Variants in EEF1A2 observed in about 807,000 individuals in gnomAD.
The protein encoded by EEF1A2 is elongation factor 1-alpha 2.
EEF1A2 carries 5 observed loss-of-function variants against 39.3 expected under a neutral mutation model. The ratio of observed to expected loss-of-function variants is 0.13; its 90% CI spans 0.07 to 0.27. The LOEUF is 0.27. EEF1A2 is among the 10% of genes least tolerant of loss of function. The probability of loss-of-function intolerance (pLI) is 1.00; values close to 1 mark genes in which losing one functional copy is unlikely to be tolerated. For synonymous variants in EEF1A2, 287 were observed against 293.7 expected (o/e 0.98, Z 0.23); for missense variants, 218 against 681.4 (o/e 0.32, Z 7.57).
rs1299130492 is a variant in EEF1A2 at position 63,490,825 on chromosome 20, G to T, written c.773-90C>A. On this transcript the variant is annotated intron_variant, in intron 5 of 7. Transcript: ENST00000217182. ...GGGACAGAGCCTGGAAACCAACAAA[G>T]CCTGGGACTGGATCCCCCCGACAGG... The T allele has an allele frequency of 2.8e-6, 4 of 1,449,312 alleles. No homozygotes were observed. The East Asian group carries it at 9.7e-5, about 35-fold the overall frequency. The allele number at this position is 1,449,312 out of a possible 1,614,324, so 89.8% of individuals were successfully genotyped here.
Position 63,493,391 on chromosome 20 carries a change from TTGCCTCG to T in EEF1A2, c.622-111_622-105del, listed in dbSNP as rs538248788. 7.0e-4 allele frequency: 946 copies of T among 1,344,400 alleles called. 6 individuals carry two copies. Among genetic ancestry groups the T allele is most frequent in the South Asian group, 6.7e-3 (407 of 60,624 alleles). 83.3% of individuals were successfully genotyped at this position (1,344,400 alleles called of 1,614,324 possible). A position where few individuals can be genotyped will look rare whatever the true frequency, so the allele number is the denominator to read the frequency against. The stretch of plus-strand genomic sequence containing the variant: ...AGGAGTACTGCTGTTCAGGCTAAAC[TTGCCTCG>T]TGCCCTTTGAGATGAGGAATTTCCC... On this transcript the variant is annotated intron_variant, in intron 4 of 7. Transcript: ENST00000217182.
chr20:63,497,999 G>A lies in EEF1A2; in HGVS notation c.-71-165C>T. 2.0e-6 allele frequency: 1 copy of A among 509,670 alleles called. No homozygotes were observed. Among genetic ancestry groups the A allele is most frequent in the East Asian group, 3.5e-5 (1 of 28,772 alleles). 31.6% of individuals were successfully genotyped at this position (509,670 alleles called of 1,614,324 possible). On this transcript the variant is annotated intron_variant, in intron 1 of 7. Coordinates refer to ENST00000217182, the MANE Select transcript of EEF1A2 (RefSeq NM_001958.5). The surrounding 1 kb of genome is among the most constrained non-coding windows in gnomAD (Gnocchi z 7.3). ...CCCACCCACAGCTGGGCCTGGCCAG[G>A]GCAAGCAGAGGCTGTGCACTGCCCC...
At chr20:63,488,569 C>G (rs1471206654) in intron 7 of EEF1A2, 144 bp from the exon 8 acceptor site, 1 of 1,163,108 alleles carries the variant, frequency 8.6e-7, no homozygotes, top group Non-Finnish European at 1.1e-6. Flanking sequence ...TGAAGACGGC[C>G]GGCCTCGCGG....
At chr20:63,494,632 T>G (rs941261374) in intron 4 of EEF1A2, among the ~76,000 whole-genome samples, 173 bp downstream of exon 4, 1 of 152,196 alleles carries the variant, frequency 6.6e-6, no homozygotes, top group Admixed American at 6.5e-5. Context: ...CTGAGGGGCA[T>G]GGGGCTCCCC....
In EEF1A2 at chr20:63,490,536, G is replaced by A. The variant is rs373731830; in HGVS notation, c.972C>T (p.Asn324=). 10 of 1,612,722 alleles carry A rather than the reference G, an allele frequency of 6.2e-6. No homozygotes were observed. Among genetic ancestry groups the A allele is most frequent in the African/African-American group, 1.3e-5 (1 of 75,074 alleles). ...NVSVKDIRRG[N]VCGDSKSDPP... ...GGTCAGACTTGCTGTCCCCACACAC[G>A]TTGCCCCGCCGGATGTCCTTCACCG... Residue 324 remains asparagine (N), a synonymous_variant, in exon 6 of 8, where the codon AAC becomes AAT. Coordinates refer to ENST00000217182, the MANE Select transcript of EEF1A2 (RefSeq NM_001958.5).
In EEF1A2 at chr20:63,491,019, C is replaced by T. The variant is rs1291681161; in HGVS notation, c.773-284G>A. 3.3e-5 allele frequency among the ~76,000 whole-genome samples: 5 copies of T among 152,338 alleles called. No homozygotes were observed. In the East Asian group the frequency reaches 5.8e-4, roughly 18 times the overall value. On this transcript the variant is annotated intron_variant, in intron 5 of 7. Transcript: ENST00000217182. Reference sequence around the variant, plus strand: ...CGGAAAAGCCACAGGGACAGAGAAGCGGGAGGATGGGCAGAGAGGGGCTGT... The same window carrying T: ...CGGAAAAGCCACAGGGACAGAGAAGTGGGAGGATGGGCAGAGAGGGGCTGT...
Position 63,496,043 on chromosome 20 carries a change from G to C in EEF1A2, c.145-8C>G, listed in dbSNP as rs554786640. 1.2e-6 allele frequency: 2 copies of C among 1,612,272 alleles called. No individual in the cohort carries two copies. Among genetic ancestry groups the C allele is most frequent in the Non-Finnish European group, 1.7e-6 (2 of 1,179,832 alleles). Reference sequence around the variant, plus strand: ...GAAGGATCCCTTCCCCATCTGGAGCGGGTGAGGGTCACGGCTGAGGGCGGG... The same window carrying C: ...GAAGGATCCCTTCCCCATCTGGAGCCGGTGAGGGTCACGGCTGAGGGCGGG... On this transcript the variant is annotated splice_polypyrimidine_tract_variant and splice_region_variant and intron_variant, in intron 2 of 7. Coordinates refer to ENST00000217182, the MANE Select transcript of EEF1A2 (RefSeq NM_001958.5).
intron 5 of EEF1A2, among the ~76,000 whole-genome samples, chr20:63,492,353 A>AACAGATGG (rs2082388814): frequency 1.0e-5 from 1 of 99,014 alleles, no homozygotes. Context: ...TGGGTGGGTC[A>AACAGATGG]ATAGATGGAT....
intron 4 of EEF1A2, 115 bp downstream of exon 4, chr20:63,494,690 C>T: frequency 7.2e-7 from 1 of 1,381,612 alleles, no homozygotes; most frequent in Non-Finnish European, 9.6e-7. Flanking sequence ...TCGAGGGGAA[C>T]CTGCATTTCC....
Position 63,495,072 on chromosome 20 carries a change from C to G in EEF1A2, c.354G>C (p.Ala118=). 1 of 1,611,824 alleles carries G rather than the reference C, an allele frequency of 6.2e-7. No homozygotes were observed. The highest frequency in any genetic ancestry group is 1.1e-5 in the South Asian group (1 of 91,070). Residue 118 remains alanine (A), a synonymous_variant, in exon 4 of 8, where the codon GCG becomes GCC. Coordinates refer to ENST00000217182, the MANE Select transcript of EEF1A2 (RefSeq NM_001958.5). ...QADCAVLIVA[A]GVGEFEAGIS... ...TGCCCGCCTCGAACTCGCCCACGCC[C>G]GCCGCCACGATCAGCACTGCGCAGT...
At chr20:63,491,538 G>A (rs949547054) in intron 5 of EEF1A2, among the ~76,000 whole-genome samples, 20 of 152,286 alleles carry the variant, frequency 1.3e-4, no homozygotes, top group African/African-American at 4.3e-4. Flanking sequence ...CAACATCTTT[G>A]GCTGCAGCCC....
At chr20:63,490,255 C>CG (rs1555883476) in intron 6 of EEF1A2, 1 of 516,654 alleles carries the variant, frequency 1.9e-6, no homozygotes, top group Non-Finnish European at 3.4e-6. Flanking sequence ...TTAGTAGAGA[C>CG]GGGGTTTCAC....
intron 6 of EEF1A2, chr20:63,490,171 G>A (rs1273614654): frequency 1.9e-5 from 5 of 263,272 alleles, no homozygotes; most frequent in East Asian, 7.1e-5. Flanking sequence ...AGGTTCAAGC[G>A]ATTCTCCTGC....
At chr20:63,493,680 G>A (rs1022401039) in intron 4 of EEF1A2, among the ~76,000 whole-genome samples, 1 of 152,210 alleles carries the variant, frequency 6.6e-6, no homozygotes, top group East Asian at 1.9e-4. Context: ...CAGGGACAGA[G>A]CTGGAGGAGC....
chr20:63,490,251 G>A (rs2145939757), intron 6 of EEF1A2: 2 of 503,672 alleles, frequency 4.0e-6, no homozygotes, highest in Non-Finnish European at 7.0e-6. Context: ...ATTTTTAGTA[G>A]AGACGGGGTT....
intron 4 of EEF1A2, among the ~76,000 whole-genome samples, chr20:63,494,428 A>C (rs1211042886): frequency 6.6e-6 from 1 of 152,242 alleles, no homozygotes; most frequent in African/African-American, 2.4e-5. Context: ...CCCAGCCCAA[A>C]GCCCCTGCAC....
At position 63,491,841 on chromosome 20, in the gene EEF1A2, G is replaced by A. The variant is rs115135967; in HGVS notation, c.773-1106C>T. ...AGAAGGATGGATGGGTAGGAAGGTGGGTGGATGAATGGATGGATGGGGAGG... is the reference window on the plus strand; with the variant it reads ...AGAAGGATGGATGGGTAGGAAGGTGAGTGGATGAATGGATGGATGGGGAGG... On this transcript the variant is annotated intron_variant, in intron 5 of 7. Coordinates refer to ENST00000217182, the MANE Select transcript of EEF1A2 (RefSeq NM_001958.5). Among the ~76,000 whole-genome samples, 1,155 of 147,360 alleles carry A rather than the reference G, an allele frequency of 7.8e-3. 9 individuals are homozygous for A. The highest frequency in any genetic ancestry group is 0.012 in the Non-Finnish European group (798 of 66,302).
chr20:63,490,398 C>G (rs1173320615), intron 6 of EEF1A2, 81 bp downstream of exon 6: 8 of 1,523,542 alleles, frequency 5.3e-6, no homozygotes, highest in African/African-American at 1.4e-5. Context: ...GCCAGGCCAC[C>G]TGCCGACAGC....
intron 7 of EEF1A2, 133 bp downstream of exon 7, chr20:63,488,785 C>T: frequency 9.8e-7 from 1 of 1,016,026 alleles, no homozygotes; most frequent in Non-Finnish European, 1.4e-6. Context: ...GCTCTCCTGC[C>T]ATGCTCTGGG....
Sources: allele counts gnomAD v4.1 joint callset (sites outside exome capture counted in the v4.1 genomes callset), GRCh38; gene constraint gnomAD v4.1.1; non-coding constraint Gnocchi (gnomAD v3.1); transcripts MANE v1.5; gene names NCBI Gene and HGNC (gene_info 2026-07-23, HGNC 2026-07-21).